The following TMEM132D variants were observed in gnomAD, a reference collection of about 807,000 sequenced individuals.
TMEM132D encodes transmembrane protein 132D.
TMEM132D carries 21 observed loss-of-function variants against 62.3 expected under a neutral mutation model. That is an observed-to-expected ratio of 0.34 (90% CI 0.24 to 0.49). TMEM132D has a LOEUF of 0.49. TMEM132D is among the 20% of genes least tolerant of loss of function. TMEM132D has a pLI of 0.99. For missense variants in TMEM132D, 1,346 were observed against 1,402.8 expected (o/e 0.96, Z 0.65); for synonymous variants, 621 against 575.6 (o/e 1.08, Z -1.13).
rs533204495 is a variant in TMEM132D, at chr12:129,307,231, C to T, written c.1299+30403G>A. Among the ~76,000 whole-genome samples the T allele has an allele frequency of 7.9e-5, 12 of 152,144 alleles. No individual in the cohort carries two copies. The East Asian group carries it at 2.1e-3, about 27-fold the overall frequency. ...TTTCTAGGAGATTTAGAGAGAAACT[C>T]GAGCACCCTATGAAAAGAGTATAAT... On this transcript the variant is annotated intron_variant, in intron 4 of 8. Transcript: ENST00000422113.
At chr12:129,208,332 G>A (rs1052519961) in intron 5 of TMEM132D, among the ~76,000 whole-genome samples, 3 of 152,190 alleles carry the variant, frequency 2.0e-5, no homozygotes, top group Admixed American at 2.0e-4. Flanking sequence ...GTCAGTGAAG[G>A]AAGTTGTCCT....
chr12:129,802,572 C>T (rs1423522423), intron 1 of TMEM132D, among the ~76,000 whole-genome samples: 3 of 99,294 alleles, frequency 3.0e-5, no homozygotes, highest in Non-Finnish European at 4.2e-5. Context: ...CGGTACCAGC[C>T]GCTGCAAAAT....
At chr12:129,812,791 G>A (rs1593171714) in intron 1 of TMEM132D, among the ~76,000 whole-genome samples, 2 of 151,432 alleles carry the variant, frequency 1.3e-5, no homozygotes, top group South Asian at 4.3e-4. Flanking sequence ...CCAAGATGTG[G>A]CCCCCCTTAA....
chr12:129,610,671 G>A (rs770753083), intron 2 of TMEM132D, among the ~76,000 whole-genome samples: 7 of 151,844 alleles, frequency 4.6e-5, no homozygotes, highest in Non-Finnish European at 8.8e-5. Flanking sequence ...CACTTAAATC[G>A]TCAGATTTAT....
chr12:129,391,524 G>A (rs1871289178), intron 3 of TMEM132D, among the ~76,000 whole-genome samples: 1 of 152,306 alleles, frequency 6.6e-6, no homozygotes, highest in Non-Finnish European at 1.5e-5. Context: ...CTGCACGGGC[G>A]GTGCCTGGAC....
chr12:129,574,041 T>C lies in TMEM132D; in HGVS notation c.969-42836A>G, dbSNP rs188336996. 1.1e-3 allele frequency among the ~76,000 whole-genome samples: 169 copies of C among 152,050 alleles called. 8 individuals are homozygous for C. Among genetic ancestry groups the C allele is most frequent in the African/African-American group, 3.7e-3 (152 of 41,324 alleles). ...GCTTGCATGTGTTGGAACTCATCAA[T>C]TGGTACATTTAAGATGTCTGCATTT... On this transcript the variant is annotated intron_variant, in intron 2 of 8. Coordinates refer to ENST00000422113, the MANE Select transcript of TMEM132D (RefSeq NM_133448.3).
At chr12:129,169,406 G>A (rs1433996629) in intron 5 of TMEM132D, among the ~76,000 whole-genome samples, 2 of 152,232 alleles carry the variant, frequency 1.3e-5, no homozygotes, top group Non-Finnish European at 2.9e-5. Context: ...ATGTGACAGT[G>A]AGGACTGAGT....
At chr12:129,895,950 TTTC>T (rs1161748811) in intron 1 of TMEM132D, among the ~76,000 whole-genome samples, 3 of 97,762 alleles carry the variant, frequency 3.1e-5, no homozygotes, top group South Asian at 3.3e-4. Context: ...AGGAATTTGA[TTTC>T]TCTGTCTCTC....
chr12:129,833,963 C>T (rs1290047687), intron 1 of TMEM132D, among the ~76,000 whole-genome samples: 1 of 152,078 alleles, frequency 6.6e-6, no homozygotes, highest in African/African-American at 2.4e-5. Flanking sequence ...TTCAAATGTG[C>T]TCTCCACAAG....
At chr12:129,344,576 G>A (rs1409626141) in intron 3 of TMEM132D, among the ~76,000 whole-genome samples, 1 of 152,108 alleles carries the variant, frequency 6.6e-6, no homozygotes, top group South Asian at 2.1e-4. Flanking sequence ...CTGACTTTGG[G>A]TTAGGAGCTG....
intron 3 of TMEM132D, among the ~76,000 whole-genome samples, chr12:129,435,426 C>G (rs1872763328): frequency 6.6e-6 from 1 of 152,208 alleles, no homozygotes; most frequent in Non-Finnish European, 1.5e-5. Context: ...TACTAATTTA[C>G]AGTCCCACCA....
chr12:129,540,440 A>G (rs964554593), intron 2 of TMEM132D, among the ~76,000 whole-genome samples: 10 of 152,098 alleles, frequency 6.6e-5, no homozygotes, highest in Non-Finnish European at 1.3e-4. Flanking sequence ...GAGTAAATCA[A>G]TCTGCCTCTG....
At position 129,301,282 on chromosome 12, in the gene TMEM132D, C is replaced by T. The variant is rs146960400; in HGVS notation, c.1299+36352G>A. 7.8e-3 allele frequency among the ~76,000 whole-genome samples: 1,184 copies of T among 152,188 alleles called. 15 individuals carry two copies. The highest frequency in any genetic ancestry group is 0.027 in the African/African-American group (1,107 of 41,514). Reference sequence around the variant, plus strand: ...CTTCCAAGATTTGGTCTTATCTAGTCCCTATATTATAAATGTCTGAATCCC... The same window carrying T: ...CTTCCAAGATTTGGTCTTATCTAGTTCCTATATTATAAATGTCTGAATCCC... On this transcript the variant is annotated intron_variant, in intron 4 of 8. Coordinates refer to ENST00000422113, the MANE Select transcript of TMEM132D (RefSeq NM_133448.3).
At chr12:129,706,657 A>T (rs1881513731) in intron 1 of TMEM132D, among the ~76,000 whole-genome samples, 1 of 152,008 alleles carries the variant, frequency 6.6e-6, no homozygotes, top group South Asian at 2.1e-4. Context: ...GAATACACTC[A>T]CTTAAAGTGT....
intron 4 of TMEM132D, among the ~76,000 whole-genome samples, chr12:129,274,803 C>T (rs1217419695): frequency 2.0e-5 from 3 of 152,116 alleles, no homozygotes; most frequent in East Asian, 3.9e-4. Flanking sequence ...AGGAGAATGG[C>T]GTGAACCCGG....
chr12:129,448,652 A>T (rs1873178697), intron 3 of TMEM132D, among the ~76,000 whole-genome samples: 1 of 152,068 alleles, frequency 6.6e-6, no homozygotes, highest in African/African-American at 2.4e-5. Flanking sequence ...GTTGATTCCA[A>T]TTTTTTTCAA....
In TMEM132D at chr12:129,590,487, C is replaced by T. The variant is rs546060576; in HGVS notation, c.969-59282G>A. Among the ~76,000 whole-genome samples the T allele has an allele frequency of 1.1e-4, 17 of 152,316 alleles. No individual in the cohort carries two copies. In the South Asian group the frequency reaches 2.9e-3, roughly 26 times the overall value. ...CTTCCAAACGTTATTTCACTTTCTG[C>T]CCCTGTTTCTCATGGATCTTGTAAG... On this transcript the variant is annotated intron_variant, in intron 2 of 8. Coordinates refer to ENST00000422113, the MANE Select transcript of TMEM132D (RefSeq NM_133448.3).
chr12:129,423,818 C>T (rs558169539), intron 3 of TMEM132D, among the ~76,000 whole-genome samples: 3 of 152,236 alleles, frequency 2.0e-5, no homozygotes, highest in African/African-American at 7.2e-5. Flanking sequence ...CCCACTGCTT[C>T]CTAATTTTTA....
chr12:129,468,666 A>T (rs765723333), intron 3 of TMEM132D, among the ~76,000 whole-genome samples: 1 of 152,156 alleles, frequency 6.6e-6, no homozygotes, highest in Non-Finnish European at 1.5e-5. Flanking sequence ...GTTTTATCTC[A>T]GTGATTATAC....
Sources: gnomAD v4.1 joint callset for allele counts (sites outside exome capture counted in the v4.1 genomes callset) on GRCh38, gnomAD v4.1.1 for gene constraint, MANE v1.5 for transcripts, NCBI Gene and HGNC (gene_info 2026-07-23, HGNC 2026-07-21) for gene names.